ZNF142: variants seen among roughly 807,000 people sequenced by gnomAD.
The protein encoded by ZNF142 is zinc finger protein 142 (clone pHZ-49).
Under a neutral mutation model 132.1 loss-of-function variants are expected in ZNF142, and 96 were observed. That is an observed-to-expected ratio of 0.73 (90% CI 0.62 to 0.86). ZNF142 has a LOEUF of 0.86. Ranked by LOEUF, ZNF142 falls within the 40% of genes least tolerant of loss-of-function variation. The probability of loss-of-function intolerance (pLI) is 0.00; values close to 1 mark genes in which losing one functional copy is unlikely to be tolerated. For missense variants in ZNF142, 2,163 were observed against 2,336.2 expected (o/e 0.93, Z 1.53); for synonymous variants, 842 against 890.1 (o/e 0.95, Z 0.96).
chr2:218,655,332 A>T (rs1261506620), intron 4 of ZNF142, among the ~76,000 whole-genome samples: 3 of 152,204 alleles, frequency 2.0e-5, no homozygotes, highest in Non-Finnish European at 4.4e-5. Context: ...TACAGTGCCA[A>T]CTGAAGTGGT....
chr2:218,656,797 G>A (rs1464326174), intron 3 of ZNF142, among the ~76,000 whole-genome samples: 1 of 150,252 alleles, frequency 6.7e-6, no homozygotes, highest in Non-Finnish European at 1.5e-5. Context: ...ATTAGGTGGG[G>A]CCCAAATATC....
rs1281786406 is a variant in ZNF142, at chr2:218,651,708, C to T, written c.873G>A (p.Leu291=). 2.3e-6 allele frequency: 3 copies of T among 1,282,406 alleles called. No individual in the cohort carries two copies. The highest frequency in any genetic ancestry group is 2.0e-6 in the Non-Finnish European group (2 of 984,836). The allele number at this position is 1,282,406 out of a possible 1,614,324, so 79.4% of individuals were successfully genotyped here. The change falls in exon 5 of 11, where the codon CTG becomes CTA. Residue 291 remains leucine (L), a synonymous_variant. Coordinates refer to ENST00000411696, the MANE Select transcript of ZNF142 (RefSeq NM_001379659.1). ...TGGCCCTTGGCCTCATACCTGGCAG[C>T]AGCTCCTGGGATGGAAGGCCCTGAA... ...SAVQGLPSQE[L]LPAPKLPPGE...
At chr2:218,656,635 A>T (rs1263242061) in intron 3 of ZNF142, among the ~76,000 whole-genome samples, 172 bp from the exon 4 acceptor site, 1 of 152,198 alleles carries the variant, frequency 6.6e-6, no homozygotes, top group Non-Finnish European at 1.5e-5. Context: ...TAATGTTCAG[A>T]ACAAAAAGTA....
intron 10 of ZNF142, among the ~76,000 whole-genome samples, chr2:218,639,945 A>G (rs1423538876): frequency 1.3e-5 from 2 of 149,204 alleles, no homozygotes; most frequent in African/African-American, 2.5e-5. Context: ...AGTCCCAGCT[A>G]CTCGGGAGGC....
intron 9 of ZNF142, among the ~76,000 whole-genome samples, chr2:218,641,067 T>G (rs1697141653): frequency 6.6e-6 from 1 of 151,846 alleles, no homozygotes; most frequent in South Asian, 2.1e-4. Context: ...CCCAAGTAGC[T>G]GGGAATACAG....
intron 7 of ZNF142, 82 bp from the exon 8 acceptor site, chr2:218,646,430 T>G: frequency 1.3e-6 from 2 of 1,494,564 alleles, no homozygotes; most frequent in South Asian, 1.3e-5. Flanking sequence ...CCAGCAAGCC[T>G]GCCCTGATGC....
chr2:218,658,412 A>C (rs1394596400), intron 3 of ZNF142, among the ~76,000 whole-genome samples: 2 of 152,022 alleles, frequency 1.3e-5, no homozygotes, highest in Non-Finnish European at 2.9e-5. Flanking sequence ...GTGGTGGCAC[A>C]CGCCTGTAAT....
At chr2:218,638,994 G>A (rs189527785) in intron 10 of ZNF142, among the ~76,000 whole-genome samples, 186 bp from the exon 11 acceptor site, 63 of 152,120 alleles carry the variant, frequency 4.1e-4, no homozygotes, top group Middle Eastern at 3.4e-3. Context: ...TCTTTGAGAC[G>A]GAGTTTCGCT....
intron 7 of ZNF142, 121 bp from the exon 8 acceptor site, chr2:218,646,469 C>A: frequency 7.0e-6 from 8 of 1,139,504 alleles, no homozygotes; most frequent in Non-Finnish European, 9.8e-6. Context: ...TCATGTGCTA[C>A]CTGAGATGGT....
intron 7 of ZNF142, among the ~76,000 whole-genome samples, chr2:218,647,989 C>T (rs7573112): frequency 1.3e-5 from 2 of 152,144 alleles, no homozygotes; most frequent in Non-Finnish European, 2.9e-5. Context: ...AGGATGCCTA[C>T]AATTTTTTCT....
chr2:218,642,415 C>T lies in ZNF142; in HGVS notation c.4701G>A (p.Leu1567=). The change falls in exon 9 of 11, where the codon CTG becomes CTA. Residue 1567 remains leucine, a synonymous_variant. Coordinates refer to ENST00000411696, the MANE Select transcript of ZNF142 (RefSeq NM_001379659.1). This position sits in a 1 kb window ranked among gnomAD's most constrained non-coding sequence, Gnocchi z 4.6. ...GCTGCCTCCGGTGCTCATCCAGAGC[C>T]AGTCGGCTAGGGAAGGCCTCCTGGC... ...GACQEAFPSR[L]ALDEHRRQQH... 2 of 1,613,074 alleles carry T rather than the reference C, an allele frequency of 1.2e-6. No homozygotes were observed. The highest frequency in any genetic ancestry group is 1.7e-6 in the Non-Finnish European group (2 of 1,180,014).
At chr2:218,640,572 C>T in intron 10 of ZNF142, 92 bp downstream of exon 10, 5 of 1,101,362 alleles carry the variant, frequency 4.5e-6, no homozygotes, top group Non-Finnish European at 6.8e-6. Flanking sequence ...TTGATGTTGG[C>T]CCTGAATTGG....
At chr2:218,645,804 C>T (rs1208253785) in intron 8 of ZNF142, among the ~76,000 whole-genome samples, 3 of 152,166 alleles carry the variant, frequency 2.0e-5, no homozygotes, top group Non-Finnish European at 2.9e-5. Flanking sequence ...ACTCTGTCAC[C>T]CAGGCTGGAG....
At position 218,649,032 on chromosome 2, in the gene ZNF142, G is replaced by A. The variant is rs1352116312; in HGVS notation, c.1476C>T (p.Gly492=). ...EPLPLRCFQE[G]CSYAAPDRKA... The stretch of plus-strand genomic sequence containing the variant: ...TGCGGTCGGGTGCTGCATAGCTGCA[G>A]CCCTCCTGAAAGCAGCGAAGGGGTA... The change falls in exon 7 of 11, where the codon GGC becomes GGT. Residue 492 remains glycine (G), a synonymous_variant. Transcript: ENST00000411696. 1.2e-6 allele frequency: 2 copies of A among 1,613,076 alleles called. No homozygotes were observed. The highest frequency in any genetic ancestry group is 8.5e-7 in the Non-Finnish European group (1 of 1,180,044).
In ZNF142 at chr2:218,645,514, G is replaced by T. The variant is rs553364379; in HGVS notation, c.2052-450C>A. Among the ~76,000 whole-genome samples, 4 of 152,318 alleles carry T rather than the reference G, an allele frequency of 2.6e-5. No homozygotes were observed. In the South Asian group the frequency reaches 8.3e-4, roughly 32 times the overall value. On this transcript the variant is annotated intron_variant, in intron 8 of 10. Transcript: ENST00000411696. ...TTAGCCAGCTGTGCCATAGGTCAGAGAACTTGCCTGGATTTGGAAGTGGCA... is the reference window on the plus strand; with the variant it reads ...TTAGCCAGCTGTGCCATAGGTCAGATAACTTGCCTGGATTTGGAAGTGGCA...
Position 218,645,245 on chromosome 2 carries a change from T to C in ZNF142, c.2052-181A>G, listed in dbSNP as rs1234856440. ...TCTCTATTTTCCAAGTGAGAAAAAC[T>C]AAATCACAGAAGTTAATAATTTGCC... On this transcript the variant is annotated intron_variant, in intron 8 of 10. Coordinates refer to ENST00000411696, the MANE Select transcript of ZNF142 (RefSeq NM_001379659.1). 2.0e-5 allele frequency among the ~76,000 whole-genome samples: 3 copies of C among 152,186 alleles called. No homozygotes were observed. In the South Asian group the frequency reaches 6.2e-4, roughly 31 times the overall value.
chr2:218,655,393 A>G, intron 4 of ZNF142, among the ~76,000 whole-genome samples: 1 of 152,192 alleles, frequency 6.6e-6, no homozygotes. Flanking sequence ...GCTTCCTAAA[A>G]ATAAGAGGTG....
At position 218,644,673 on chromosome 2, in the gene ZNF142, C is replaced by T; in HGVS notation, c.2443G>A (p.Glu815Lys). 6.2e-7 allele frequency: 1 copy of T among 1,614,254 alleles called. No homozygotes were observed. Among genetic ancestry groups the T allele is most frequent in the Non-Finnish European group, 8.5e-7 (1 of 1,180,044 alleles). The part of the protein sequence containing the change: ...WQLRYASQEP[E>K]GAMQGPTPPP... ...GGTGTTGGGCCCTGCATGGCCCCTT[C>T]TGGCTCCTGGCTTGCATAGCGGAGC... Residue 815 changes from glutamate (E) to lysine (K), a missense_variant, in exon 9 of 11, where the codon GAA becomes AAA. This residue lies in a region of ZNF142 where 749 missense variants were observed against 830.3 expected (regional missense o/e 0.90). Coordinates refer to ENST00000411696, the MANE Select transcript of ZNF142 (RefSeq NM_001379659.1). This position sits in a 1 kb window ranked among gnomAD's most constrained non-coding sequence, Gnocchi z 4.6.
chr2:218,636,684 T>C lies in ZNF142; in HGVS notation c.*1655A>G, dbSNP rs1482784440. Reference sequence around the variant, plus strand: ...GAGGTGGTGAAAATCAAGCTTTGGATTGTGCATTCCTAGGCACAAAATTAC... The same window carrying C: ...GAGGTGGTGAAAATCAAGCTTTGGACTGTGCATTCCTAGGCACAAAATTAC... On this transcript the variant is annotated 3_prime_UTR_variant, in exon 11 of 11. Coordinates refer to ENST00000411696, the MANE Select transcript of ZNF142 (RefSeq NM_001379659.1). The C allele has an allele frequency of 4.0e-6, 5 of 1,239,224 alleles. No individual in the cohort carries two copies. Among genetic ancestry groups the C allele is most frequent in the East Asian group, 2.5e-5 (1 of 39,306 alleles). 76.8% of individuals were successfully genotyped at this position (1,239,224 alleles called of 1,614,324 possible).
Sources: allele counts gnomAD v4.1 joint callset (sites outside exome capture counted in the v4.1 genomes callset), GRCh38; gene constraint gnomAD v4.1.1; regional missense constraint gnomAD v4.1.1; non-coding constraint Gnocchi (gnomAD v3.1); transcripts MANE v1.5; gene names NCBI Gene and HGNC (gene_info 2026-07-23, HGNC 2026-07-21).